Variants in LRP2 observed in about 807,000 individuals in gnomAD.
The protein encoded by LRP2 is LDL receptor related protein 2.
LRP2 carries 172 observed loss-of-function variants against 531.0 expected under a neutral mutation model. The ratio of observed to expected loss-of-function variants is 0.32; its 90% CI spans 0.29 to 0.37. The LOEUF (loss-of-function observed/expected upper bound fraction) is 0.37, where lower values mean the gene tolerates loss of function less well. Among genes scored for constraint, LRP2 ranks in the 10% least tolerant of loss-of-function variants. The pLI is 1.00. For missense variants in LRP2, 5,167 were observed against 5,868.3 expected (o/e 0.88, Z 3.90); for synonymous variants, 1,992 against 2,027.6 (o/e 0.98, Z 0.47).
chr2:169,220,652 T>C (rs1688959268), intron 33 of LRP2, 89 bp from the exon 34 acceptor site: 3 of 830,134 alleles, frequency 3.6e-6, no homozygotes, highest in Admixed American at 2.1e-5. Flanking sequence ...ACAAAACAAA[T>C]TCCAAAGCAC....
At chr2:169,225,853 G>C (rs1049954385) in intron 32 of LRP2, among the ~76,000 whole-genome samples, 1 of 152,100 alleles carries the variant, frequency 6.6e-6, no homozygotes, top group African/African-American at 2.4e-5. Flanking sequence ...ATTCTTACAG[G>C]TTTTTTCCCT....
At chr2:169,347,588 GAA>G (rs141749952) in intron 1 of LRP2, among the ~76,000 whole-genome samples, 9 of 141,762 alleles carry the variant, frequency 6.3e-5, no homozygotes, top group Non-Finnish European at 6.2e-5. Flanking sequence ...ATTATAGAGG[GAA>G]AAAAAAAAAA....
At chr2:169,219,499 T>C (rs536647371) in intron 34 of LRP2, among the ~76,000 whole-genome samples, 21 of 152,326 alleles carry the variant, frequency 1.4e-4, no homozygotes, top group African/African-American at 4.3e-4. Context: ...TCCCTGGCCC[T>C]GGCCTCTCTC....
At chr2:169,144,479 CAG>C (rs1259889777) in intron 70 of LRP2, among the ~76,000 whole-genome samples, 4 of 151,242 alleles carry the variant, frequency 2.6e-5, no homozygotes, top group Non-Finnish European at 4.4e-5. Flanking sequence ...GGGCAGCCTC[CAG>C]ACTTTCCTCT....
chr2:169,154,617 A>C lies in LRP2; in HGVS notation c.12152-14T>G, dbSNP rs1686267116. The C allele has an allele frequency of 6.2e-7, 1 of 1,612,580 alleles. No individual in the cohort carries two copies. Among genetic ancestry groups the C allele is most frequent in the African/African-American group, 1.3e-5 (1 of 74,850 alleles). ...AAGGAGAGCTACCTGTAAACAAACA[A>C]AGGGCTACTTTATCTGTTTGAATTA... On this transcript the variant is annotated splice_polypyrimidine_tract_variant and intron_variant, in intron 65 of 78. Transcript: ENST00000649046.
chr2:169,155,718 C>A (rs1465285700), intron 65 of LRP2, among the ~76,000 whole-genome samples: 1 of 152,074 alleles, frequency 6.6e-6, no homozygotes, highest in Non-Finnish European at 1.5e-5. Flanking sequence ...CTGGCATCAA[C>A]CTAAAACGTA....
chr2:169,222,421 C>T (rs1160123496), intron 33 of LRP2, among the ~76,000 whole-genome samples: 1 of 152,152 alleles, frequency 6.6e-6, no homozygotes, highest in Non-Finnish European at 1.5e-5. Context: ...GCAGTGTTGT[C>T]CCCAGTCATA....
At chr2:169,170,921 GTTT>G (rs57451386) in intron 58 of LRP2, among the ~76,000 whole-genome samples, 16 of 91,864 alleles carry the variant, frequency 1.7e-4, no homozygotes, top group African/African-American at 5.2e-4. Flanking sequence ...CTCTCTCTCT[GTTT>G]TTTTTTTTTT....
chr2:169,176,082 C>T (rs757200926), intron 54 of LRP2, among the ~76,000 whole-genome samples: 6 of 152,186 alleles, frequency 3.9e-5, no homozygotes, highest in Non-Finnish European at 8.8e-5. Flanking sequence ...CAGTGAAATT[C>T]TATTACTTCT....
At chr2:169,310,022 T>G (rs891893429) in intron 3 of LRP2, among the ~76,000 whole-genome samples, 1 of 152,130 alleles carries the variant, frequency 6.6e-6, no homozygotes, top group African/African-American at 2.4e-5. Context: ...TGGCTCTCTG[T>G]TTGTCTGTTA....
chr2:169,260,229 C>G (rs1690491161), intron 16 of LRP2, among the ~76,000 whole-genome samples: 1 of 151,970 alleles, frequency 6.6e-6, no homozygotes, highest in Non-Finnish European at 1.5e-5. Context: ...GGCCAAGAGA[C>G]AAAAATAAAA....
At chr2:169,269,411 G>A (rs917474518) in intron 16 of LRP2, among the ~76,000 whole-genome samples, 10 of 152,262 alleles carry the variant, frequency 6.6e-5, no homozygotes, top group African/African-American at 2.2e-4. Context: ...CAGAGATATA[G>A]ACCAATGGAA....
rs1011127358 is a variant in LRP2, at chr2:169,202,924, C to T, written c.8041G>A (p.Gly2681Ser). ...CTGTTGTTGGCCAAATACCAGTTGC[C>T]CTCATGTGGACACTGGCACTCGGCA... is the stretch of plus-strand genomic sequence containing the variant. ...NGAECQCPHE[G>S]NWYLANNRKH... is the part of the protein sequence containing the mutation. The change falls in exon 43 of 79, where the codon GGC (glycine) becomes AGC (serine). Residue 2681 changes from glycine to serine, a missense_variant. Physicochemically the swap from Gly to Ser is moderately conservative, Grantham distance 56. Around this residue, in one of 6 missense-constraint regions of LRP2, gnomAD observed 1,129 missense variants for 1,362.7 expected, o/e 0.83. Coordinates refer to ENST00000649046, the MANE Select transcript of LRP2 (RefSeq NM_004525.3). The T allele has an allele frequency of 1.2e-6, 2 of 1,614,182 alleles. No individual in the cohort carries two copies. Among genetic ancestry groups the T allele is most frequent in the Admixed American group, 1.7e-5 (1 of 60,024 alleles).
intron 48 of LRP2, 78 bp downstream of exon 48, chr2:169,191,754 G>A: frequency 8.2e-7 from 1 of 1,225,098 alleles, no homozygotes; most frequent in Non-Finnish European, 1.2e-6. Context: ...TGTGGCCACG[G>A]GGTGCCTGAT....
At chr2:169,168,975 C>T (rs1686891622) in intron 60 of LRP2, among the ~76,000 whole-genome samples, 1 of 152,184 alleles carries the variant, frequency 6.6e-6, no homozygotes, top group South Asian at 2.1e-4. Context: ...GTCTCTTTGG[C>T]AACCACATCA....
At chr2:169,201,602 A>T in intron 44 of LRP2, 26 bp downstream of exon 44, 1 of 1,614,090 alleles carries the variant, frequency 6.2e-7, no homozygotes, top group Non-Finnish European at 8.5e-7. Flanking sequence ...ACCCAAAATC[A>T]CAATAAGCAC....
In LRP2 at chr2:169,362,415, C is replaced by T. The variant is rs1366464240; in HGVS notation, c.-16G>A. ...CGCGATCCATCTCCGCGACGGTCCC[C>T]GGCCTCGCCGTTCCTTCCCCGGGAG... On this transcript the variant is annotated 5_prime_UTR_variant, in exon 1 of 79. Coordinates refer to ENST00000649046, the MANE Select transcript of LRP2 (RefSeq NM_004525.3). 1.9e-6 allele frequency: 3 copies of T among 1,548,288 alleles called. No individual in the cohort carries two copies. The highest frequency in any genetic ancestry group is 2.4e-5 in the East Asian group (1 of 41,120).
chr2:169,286,936 A>G (rs1683874718), intron 9 of LRP2, among the ~76,000 whole-genome samples: 2 of 152,192 alleles, frequency 1.3e-5, no homozygotes, highest in Admixed American at 1.3e-4. Context: ...TGCCTAAAGA[A>G]CTAAAAGGCT....
intron 44 of LRP2, among the ~76,000 whole-genome samples, chr2:169,200,681 G>A (rs957261076): frequency 6.6e-6 from 1 of 152,142 alleles, no homozygotes; most frequent in South Asian, 2.1e-4. Context: ...AAATTGACAA[G>A]CAAAAGGTAT....
Sources: gnomAD v4.1 joint callset for allele counts (sites outside exome capture counted in the v4.1 genomes callset) on GRCh38, gnomAD v4.1.1 for gene constraint, gnomAD v4.1.1 regional missense constraint, MANE v1.5 for transcripts, NCBI Gene and HGNC (gene_info 2026-07-23, HGNC 2026-07-21) for gene names.